The following LTBP1 variants were observed in gnomAD, a reference collection of about 807,000 sequenced individuals.
The protein encoded by LTBP1 is latent transforming growth factor beta binding protein 1.
LTBP1 carries 129 observed loss-of-function variants against 207.6 expected under a neutral mutation model. The ratio of observed to expected loss-of-function variants is 0.62; its 90% CI spans 0.54 to 0.72. The LOEUF is 0.72. Ranked by LOEUF, LTBP1 falls within the 30% of genes least tolerant of loss-of-function variation. LTBP1 has a pLI of 0.00. For synonymous variants in LTBP1, 963 were observed against 833.7 expected (o/e 1.16, Z -2.67); for missense variants, 2,281 against 2,217.2 (o/e 1.03, Z -0.58).
intron 3 of LTBP1, among the ~76,000 whole-genome samples, chr2:33,052,241 G>A (rs187463118): frequency 5.1e-4 from 77 of 152,340 alleles, no homozygotes; most frequent in African/African-American, 1.5e-3. Context: ...AAAGTTTACC[G>A]ATTGCCAAAT....
chr2:33,290,569 A>G (rs751357289), intron 19 of LTBP1, among the ~76,000 whole-genome samples: 3 of 152,222 alleles, frequency 2.0e-5, no homozygotes, highest in Non-Finnish European at 4.4e-5. Context: ...GCCAAGTCTT[A>G]GACAAACAAA....
intron 11 of LTBP1, among the ~76,000 whole-genome samples, 185 bp from the exon 12 acceptor site, chr2:33,257,099 T>C (rs1238863449): frequency 6.6e-6 from 1 of 152,072 alleles, no homozygotes; most frequent in East Asian, 1.9e-4. Context: ...TGGATTTTTT[T>C]CTTTAAATAT....
At chr2:33,076,591 C>A (rs987320039) in intron 3 of LTBP1, among the ~76,000 whole-genome samples, 4 of 151,572 alleles carry the variant, frequency 2.6e-5, no homozygotes, top group Non-Finnish European at 5.9e-5. Flanking sequence ...GGCTGGAGTG[C>A]AGTGGCGTGA....
At chr2:32,972,055 A>G (rs1372331840) in intron 2 of LTBP1, among the ~76,000 whole-genome samples, 1 of 148,262 alleles carries the variant, frequency 6.7e-6, no homozygotes, top group Admixed American at 6.7e-5. Flanking sequence ...GAATGTATCT[A>G]TTTCTTGTAG....
chr2:32,972,110 GT>G (rs1452965291), intron 2 of LTBP1, among the ~76,000 whole-genome samples: 1 of 97,150 alleles, frequency 1.0e-5, no homozygotes, highest in Non-Finnish European at 2.8e-5. Context: ...GAGTCTCTGA[GT>G]TTTTTGTTTT....
intron 3 of LTBP1, among the ~76,000 whole-genome samples, chr2:33,067,635 T>G (rs1266561334): frequency 6.6e-6 from 1 of 152,218 alleles, no homozygotes; most frequent in Non-Finnish European, 1.5e-5. Context: ...AACAACTATT[T>G]ACATAGCATT....
At chr2:33,094,320 T>A (rs887767089) in intron 3 of LTBP1, among the ~76,000 whole-genome samples, 7 of 152,202 alleles carry the variant, frequency 4.6e-5, no homozygotes, top group African/African-American at 1.4e-4. Flanking sequence ...TTTAAAAAAA[T>A]TTTAAATTTT....
At chr2:33,146,444 G>A (rs1320812798) in intron 5 of LTBP1, among the ~76,000 whole-genome samples, 1 of 152,220 alleles carries the variant, frequency 6.6e-6, no homozygotes, top group African/African-American at 2.4e-5. Context: ...GAGGGTGGAA[G>A]CCTCCAGTGT....
intron 28 of LTBP1, 25 bp downstream of exon 28, chr2:33,361,540 T>G (rs752394282): frequency 6.6e-7 from 1 of 1,520,484 alleles, no homozygotes; most frequent in Non-Finnish European, 9.1e-7. Context: ...GAAACAAATT[T>G]TCAGCACATT....
chr2:33,221,316 C>T (rs987554479), intron 8 of LTBP1, among the ~76,000 whole-genome samples: 2 of 152,156 alleles, frequency 1.3e-5, no homozygotes, highest in Admixed American at 6.5e-5. Context: ...AGGCTTGTTT[C>T]CCAAGGTCAC....
chr2:33,138,058 C>T (rs2082284967), intron 5 of LTBP1, among the ~76,000 whole-genome samples: 1 of 152,000 alleles, frequency 6.6e-6, no homozygotes, highest in Admixed American at 6.6e-5. Flanking sequence ...TCACCTCCTC[C>T]ACACAGTGCA....
rs182823269 is a variant in LTBP1 at position 33,154,616 on chromosome 2, A to G, written c.1201+19656A>G. Among the ~76,000 whole-genome samples, 3 of 152,270 alleles carry G rather than the reference A, an allele frequency of 2.0e-5. No individual in the cohort carries two copies. The East Asian group carries it at 5.8e-4, about 29-fold the overall frequency. On this transcript the variant is annotated intron_variant, in intron 5 of 33. Coordinates refer to ENST00000404816, the MANE Select transcript of LTBP1 (RefSeq NM_206943.4). ...GAATTGTTGGGCAGTTGACCTTTCT[A>G]CTTTTGCTGTTATCATCCAAGCGAC...
chr2:33,173,166 G>A (rs1261053463), intron 5 of LTBP1, among the ~76,000 whole-genome samples: 1 of 152,116 alleles, frequency 6.6e-6, no homozygotes, highest in Non-Finnish European at 1.5e-5. Context: ...GAGCAGAAGT[G>A]AAGGAAATAG....
chr2:33,032,424 A>G (rs1028666075), intron 3 of LTBP1, among the ~76,000 whole-genome samples: 4 of 152,122 alleles, frequency 2.6e-5, no homozygotes, highest in African/African-American at 7.2e-5. Context: ...ACCCCTATCG[A>G]TATCAACTTC....
At chr2:33,278,345 A>C (rs114903234) in intron 18 of LTBP1, among the ~76,000 whole-genome samples, 77 of 152,344 alleles carry the variant, frequency 5.1e-4, no homozygotes, top group African/African-American at 1.8e-3. Flanking sequence ...TTCTATCCCC[A>C]TGAAAAGTCT....
chr2:33,061,562 G>C (rs2077271808), intron 3 of LTBP1: 1 of 152,118 alleles, frequency 6.6e-6, no homozygotes, highest in Non-Finnish European at 1.5e-5. Context: ...ATTATACAAT[G>C]TGTACCCTTT....
chr2:33,136,429 T>C (rs977989965), intron 5 of LTBP1, among the ~76,000 whole-genome samples: 2 of 152,226 alleles, frequency 1.3e-5, no homozygotes, highest in African/African-American at 4.8e-5. Context: ...ACCTCTAAAA[T>C]TTAGTCCATC....
rs535571169 is a variant in LTBP1 at position 33,398,558 on chromosome 2, A to C, written c.*13A>C. On this transcript the variant is annotated 3_prime_UTR_variant, in exon 34 of 34. Coordinates refer to ENST00000404816, the MANE Select transcript of LTBP1 (RefSeq NM_206943.4). ...TGACCTGGAGTGAAACAGAATCTACATAACCTAAGCCCATATACTCTGCAC... is the reference window on the plus strand; with the variant it reads ...TGACCTGGAGTGAAACAGAATCTACCTAACCTAAGCCCATATACTCTGCAC... The C allele has an allele frequency of 4.8e-5, 77 of 1,612,164 alleles. 1 individual carries two copies. In the South Asian group the frequency reaches 7.1e-4, roughly 15 times the overall value.
intron 7 of LTBP1, among the ~76,000 whole-genome samples, chr2:33,192,114 G>A (rs2087960703): frequency 6.6e-6 from 1 of 152,134 alleles, no homozygotes; most frequent in African/African-American, 2.4e-5. Flanking sequence ...ACAAGAAATG[G>A]GCAGGGAAGA....
Sources: allele counts gnomAD v4.1 joint callset (sites outside exome capture counted in the v4.1 genomes callset), GRCh38; gene constraint gnomAD v4.1.1; transcripts MANE v1.5; gene names NCBI Gene and HGNC (gene_info 2026-07-23, HGNC 2026-07-21).